The following NARS2 variants were observed in gnomAD, a reference collection of about 807,000 sequenced individuals.
NARS2 encodes the protein asparaginyl-tRNA synthetase 2, mitochondrial, also known as asparaginyl-tRNA synthetase.
NARS2 carries 60 observed loss-of-function variants against 62.9 expected under a neutral mutation model. The observed-to-expected ratio is 0.95, with a 90% CI of 0.77 to 1.18. The LOEUF (loss-of-function observed/expected upper bound fraction) is 1.18. NARS2 is among the 50% of genes most tolerant of loss of function. The pLI is 0.00. For synonymous variants in NARS2, 196 were observed against 200.0 expected, an observed-to-expected ratio of 0.98 and a Z score of 0.17; for missense variants, 619 against 576.4, an observed-to-expected ratio of 1.07 and a Z score of -0.76.
chr11:78,523,050 T>A (rs1023864610), intron 6 of NARS2, among the ~76,000 whole-genome samples: 1 of 152,164 alleles, frequency 6.6e-6, no homozygotes, highest in African/African-American at 2.4e-5. Flanking sequence ...ATAAAGGACT[T>A]GTATGCAGAA....
intron 1 of NARS2, 77 bp from the exon 2 acceptor site, chr11:78,571,521 G>C (rs532385526): frequency 3.1e-6 from 3 of 977,840 alleles, no homozygotes; most frequent in Middle Eastern, 2.1e-4. Flanking sequence ...CAGACTAAAT[G>C]AAAGTAAAAC....
chr11:78,525,166 A>G (rs1046784883), intron 6 of NARS2, among the ~76,000 whole-genome samples: 2 of 152,152 alleles, frequency 1.3e-5, no homozygotes, highest in South Asian at 2.1e-4. Flanking sequence ...AGAGCATAGA[A>G]AAGTTCTAGG....
intron 5 of NARS2, among the ~76,000 whole-genome samples, chr11:78,541,685 G>C (rs898545211): frequency 2.6e-5 from 4 of 152,128 alleles, no homozygotes; most frequent in Non-Finnish European, 4.4e-5. Flanking sequence ...TCCAGCCTAG[G>C]TGAGAGAGTA....
chr11:78,525,700 G>T (rs535357630), intron 6 of NARS2, among the ~76,000 whole-genome samples: 9 of 152,186 alleles, frequency 5.9e-5, no homozygotes, highest in Non-Finnish European at 1.3e-4. Context: ...CCAGTGAGGG[G>T]AGACTAGACT....
intron 6 of NARS2, among the ~76,000 whole-genome samples, chr11:78,494,469 C>CTT (rs11437113): frequency 0.043 from 5,755 of 133,164 alleles, 171 homozygotes; most frequent in Admixed American, 0.082. Flanking sequence ...TTTTCTTTTT[C>CTT]TTTTTTTTTT....
chr11:78,483,383 C>T (rs111932155), intron 7 of NARS2, among the ~76,000 whole-genome samples: 1 of 152,026 alleles, frequency 6.6e-6, no homozygotes, highest in Non-Finnish European at 1.5e-5. Context: ...TGGAAGTTCT[C>T]GCCAGGGCAA....
intron 5 of NARS2, among the ~76,000 whole-genome samples, chr11:78,544,343 T>C (rs10899549): frequency 0.66 from 100,683 of 152,130 alleles, 35,980 homozygotes; most frequent in Non-Finnish European, 0.81. Flanking sequence ...GCTACTGAAA[T>C]TTAGTGGGTA....
chr11:78,442,049 GA>G (rs1205945251), intron 12 of NARS2, among the ~76,000 whole-genome samples: 2 of 152,130 alleles, frequency 1.3e-5, no homozygotes, highest in Non-Finnish European at 2.9e-5. Context: ...CTGAAATAGG[GA>G]ATCATATATA....
intron 13 of NARS2, among the ~76,000 whole-genome samples, chr11:78,439,069 C>T (rs1178249279): frequency 2.0e-5 from 3 of 149,644 alleles, no homozygotes; most frequent in Admixed American, 1.3e-4. Flanking sequence ...TGGACTTTTG[C>T]TCTTGCTGCC....
chr11:78,443,679 A>T lies in NARS2; in HGVS notation c.1244T>A (p.Leu415Ter). ...GGLREERYHFLEERLARSGLT... is the reference protein window; with the variant it reads ...GGLREERYHF The stretch of plus-strand genomic sequence containing the variant: ...CCAGTACCTGGCTAAGCGCTCCTCT[A>T]AGAAATGGTATCGTTCTTCTCTGAG... Residue 415 changes from leucine (L) to a stop codon, truncating the protein, a stop_gained, in exon 12 of 14, where the codon TTA becomes TAA. Coordinates refer to ENST00000281038, the MANE Select transcript of NARS2 (RefSeq NM_024678.6). LOFTEE classifies it high-confidence loss of function. 1 of 1,613,088 alleles carries T rather than the reference A, an allele frequency of 6.2e-7. No homozygotes were observed.
intron 5 of NARS2, among the ~76,000 whole-genome samples, chr11:78,534,978 T>G (rs1379202770): frequency 6.6e-6 from 1 of 152,204 alleles, no homozygotes; most frequent in Admixed American, 6.5e-5. Flanking sequence ...GCCTCTAAAT[T>G]AATACAGTAT....
chr11:78,458,055 C>T (rs545125876), intron 11 of NARS2, among the ~76,000 whole-genome samples: 1 of 152,008 alleles, frequency 6.6e-6, no homozygotes, highest in African/African-American at 2.4e-5. Flanking sequence ...TATTCTGCAG[C>T]AATATAGGGT....
intron 6 of NARS2, among the ~76,000 whole-genome samples, chr11:78,511,776 G>A (rs780488538): frequency 3.3e-5 from 5 of 151,914 alleles, no homozygotes; most frequent in Non-Finnish European, 7.4e-5. Context: ...TTAAAACGAT[G>A]TATTTTAAAT....
chr11:78,438,008 A>G (rs12789806), intron 13 of NARS2, among the ~76,000 whole-genome samples: 1 of 147,674 alleles, frequency 6.8e-6, no homozygotes, highest in African/African-American at 2.5e-5. Flanking sequence ...AAAAAAAAAG[A>G]CAAAAACCAA....
intron 5 of NARS2, among the ~76,000 whole-genome samples, chr11:78,557,831 T>G (rs1014583697): frequency 4.8e-5 from 7 of 146,292 alleles, no homozygotes; most frequent in African/African-American, 1.8e-4. Flanking sequence ...TATATATATA[T>G]CTCTCTTATA....
rs1857044189 is a variant in NARS2, at chr11:78,574,394, T to A, written c.95A>T (p.Asp32Val). 1 of 1,614,102 alleles carries A rather than the reference T, an allele frequency of 6.2e-7. No homozygotes were observed. The highest frequency in any genetic ancestry group is 8.5e-7 in the Non-Finnish European group (1 of 1,180,002). Residue 32 changes from aspartate (D) to valine (V), a missense_variant, in exon 1 of 14, where the codon GAC (aspartate) becomes GTC (valine). Transcript: ENST00000281038. ...ACTCGCGTTCTGAGCCCCGAGAGCG[T>A]CCCGCACGCTCAGTTTGGCTGAAGG... ...HKPSAKLSVR[D>V]ALGAQNASGE...
chr11:78,551,007 A>C (rs1339698995), intron 5 of NARS2, among the ~76,000 whole-genome samples: 1 of 152,210 alleles, frequency 6.6e-6, no homozygotes, highest in African/African-American at 2.4e-5. Context: ...TTATATGAAA[A>C]GTTTCAGAAG....
intron 12 of NARS2, among the ~76,000 whole-genome samples, chr11:78,442,259 C>T (rs1283544666): frequency 3.9e-5 from 6 of 152,208 alleles, no homozygotes; most frequent in Admixed American, 2.6e-4. Context: ...ATTTTTTCAA[C>T]TAGAGTCTGA....
At chr11:78,456,868 C>T (rs1042467215) in intron 11 of NARS2, among the ~76,000 whole-genome samples, 3 of 152,204 alleles carry the variant, frequency 2.0e-5, no homozygotes, top group Non-Finnish European at 4.4e-5. Flanking sequence ...TGCATATTTG[C>T]TTAGATTCAT....
Sources: allele counts gnomAD v4.1 joint callset (sites outside exome capture counted in the v4.1 genomes callset), GRCh38; gene constraint gnomAD v4.1.1; transcripts MANE v1.5; gene names NCBI Gene and HGNC (gene_info 2026-07-23, HGNC 2026-07-21).